Variants in IQCH observed in about 807,000 individuals in gnomAD.
IQCH encodes the protein IQ domain-containing protein H.
IQCH carries 98 observed loss-of-function variants against 117.0 expected under a neutral mutation model. That is an observed-to-expected ratio of 0.84 (90% CI 0.71 to 0.99). The LOEUF (loss-of-function observed/expected upper bound fraction) is 0.99, where lower values mean the gene tolerates loss of function less well. Ranked by LOEUF, IQCH falls within the 50% of genes least tolerant of loss-of-function variation. IQCH has a pLI of 0.00. For synonymous variants in IQCH, 412 were observed against 448.2 expected (o/e 0.92, Z 1.02); for missense variants, 1,102 against 1,243.8 (o/e 0.89, Z 1.72).
intron 16 of IQCH, among the ~76,000 whole-genome samples, chr15:67,464,717 T>G (rs1456418908): frequency 6.6e-6 from 1 of 152,202 alleles, no homozygotes; most frequent in East Asian, 1.9e-4. Flanking sequence ...CTTTCTCATA[T>G]TCATCACTCT....
In IQCH at chr15:67,481,242, T is replaced by G. The variant is rs911532960; in HGVS notation, c.2799+5424T>G. On this transcript the variant is annotated intron_variant, in intron 18 of 20. Coordinates refer to ENST00000335894, the MANE Select transcript of IQCH (RefSeq NM_001031715.3). This position sits in a 1 kb window ranked among gnomAD's most constrained non-coding sequence, Gnocchi z 4.1. The stretch of plus-strand genomic sequence containing the variant: ...AAGAAATACCCAAGACTGGGTAATT[T>G]ATAAAAGAAAGAGGTTTAATTGACT... Among the ~76,000 whole-genome samples, 2 of 152,190 alleles carry G rather than the reference T, an allele frequency of 1.3e-5. No individual in the cohort carries two copies.
At chr15:67,306,800 A>T in intron 4 of IQCH, 1 of 1,503,892 alleles carries the variant, frequency 6.6e-7, no homozygotes, top group Non-Finnish European at 9.0e-7. Flanking sequence ...AAATAGTAAC[A>T]AACAACCTTC....
chr15:67,468,180 T>A (rs372158866), intron 17 of IQCH, among the ~76,000 whole-genome samples: 2 of 152,222 alleles, frequency 1.3e-5, no homozygotes, highest in East Asian at 3.8e-4. Flanking sequence ...TTTTCACTCT[T>A]CCTCGCTCTT....
Position 67,390,709 on chromosome 15 carries a change from G to A in IQCH, c.1632+1703G>A, listed in dbSNP as rs1596301811. 2.6e-5 allele frequency among the ~76,000 whole-genome samples: 4 copies of A among 152,044 alleles called. No homozygotes were observed. The highest frequency in any genetic ancestry group is 2.0e-4 in the Admixed American group (3 of 15,266). ...TCATTATGTTGGCCAGGCTGGTCTC[G>A]AACTCCTGACCTCAAGTGATCCGCC... is the stretch of plus-strand genomic sequence containing the variant. On this transcript the variant is annotated intron_variant, in intron 12 of 20. Transcript: ENST00000335894. This position sits in a 1 kb window ranked among gnomAD's most constrained non-coding sequence, Gnocchi z 5.0.
chr15:67,379,529 A>G (rs1376914346), intron 10 of IQCH, among the ~76,000 whole-genome samples: 1 of 152,136 alleles, frequency 6.6e-6, no homozygotes, highest in Non-Finnish European at 1.5e-5. Context: ...ATCATTGGTA[A>G]TATGGTTTGG....
rs1970051453 is a variant in IQCH at position 67,359,718 on chromosome 15, G to A, written c.715-129G>A. On this transcript the variant is annotated intron_variant, in intron 7 of 20. Transcript: ENST00000335894. This position sits in a 1 kb window ranked among gnomAD's most constrained non-coding sequence, Gnocchi z 4.5. ...CTAATTATTAGCTCCTGCCTGCGTG[G>A]AAAGAGAGAACAGGCTGGCCCAGCG... 1 of 794,248 alleles carries A rather than the reference G, an allele frequency of 1.3e-6. No homozygotes were observed. Among genetic ancestry groups the A allele is most frequent in the Non-Finnish European group, 2.2e-6 (1 of 452,258 alleles). The allele number at this position is 794,248 out of a possible 1,614,324, so 49.2% of individuals were successfully genotyped here.
chr15:67,384,983 C>T lies in IQCH; in HGVS notation c.1420C>T (p.Gln474Ter), dbSNP rs1461030748. The T allele has an allele frequency of 6.2e-7, 1 of 1,611,936 alleles. No individual in the cohort carries two copies. Among genetic ancestry groups the T allele is most frequent in the African/African-American group, 1.3e-5 (1 of 74,822 alleles). Residue 474 changes from glutamine (Q) to a stop codon, truncating the protein, a stop_gained, in exon 11 of 21, where the codon CAG becomes TAG. Coordinates refer to ENST00000335894, the MANE Select transcript of IQCH (RefSeq NM_001031715.3). LOFTEE classifies it high-confidence loss of function. This position sits in a 1 kb window ranked among gnomAD's most constrained non-coding sequence, Gnocchi z 4.3. ...ACATATTGCCGATTTCAACACACAG[C>T]AGAACATGCAGCTGGGGAGGCTGTG... is the stretch of plus-strand genomic sequence containing the variant. The part of the protein sequence containing the change: ...REHIADFNTQ[Q>*]NMQLGRLCDI...
chr15:67,301,401 GTTTTTTTTT>G lies in IQCH; in HGVS notation c.387+21907_387+21915del, dbSNP rs10663973. ...TTCAGTGAAACATTTGTTATGTTAA[GTTTTTTTTT>G]TTTTTTTTTTTTTTTTTGAAACCGA... On this transcript the variant is annotated intron_variant, in intron 4 of 20. Transcript: ENST00000335894. Among the ~76,000 whole-genome samples the G allele has an allele frequency of 4.7e-3, 355 of 75,384 alleles. 3 individuals are homozygous for G. The highest frequency in any genetic ancestry group is 0.018 in the African/African-American group (339 of 18,330). The allele number at this position is 75,384 out of a possible 152,430, so 49.5% of individuals were successfully genotyped here. A position where few individuals can be genotyped will look rare whatever the true frequency, so the allele number is the denominator to read the frequency against.
At position 67,395,172 on chromosome 15, in the gene IQCH, G is replaced by C. The variant is rs1053355111; in HGVS notation, c.1633-119G>C. The C allele has an allele frequency of 1.8e-6, 2 of 1,099,770 alleles. No individual in the cohort carries two copies. The highest frequency in any genetic ancestry group is 2.6e-6 in the Non-Finnish European group (2 of 768,870). The allele number at this position is 1,099,770 out of a possible 1,614,324, so 68.1% of individuals were successfully genotyped here. A position where few individuals can be genotyped will look rare whatever the true frequency, so the allele number is the denominator to read the frequency against. On this transcript the variant is annotated intron_variant, in intron 12 of 20. Coordinates refer to ENST00000335894, the MANE Select transcript of IQCH (RefSeq NM_001031715.3). This position sits in a 1 kb window ranked among gnomAD's most constrained non-coding sequence, Gnocchi z 4.0. ...ATCAATTTAAACTGCTAAACAACAGGATAGGTCATAACCCAGCCTGCTATT... is the reference window on the plus strand; with the variant it reads ...ATCAATTTAAACTGCTAAACAACAGCATAGGTCATAACCCAGCCTGCTATT...
At chr15:67,286,604 T>G (rs900432310) in intron 4 of IQCH, among the ~76,000 whole-genome samples, 14 of 121,086 alleles carry the variant, frequency 1.2e-4, no homozygotes, top group African/African-American at 1.9e-4. Flanking sequence ...ATTTATTTAT[T>G]TATTTATTTA....
intron 15 of IQCH, among the ~76,000 whole-genome samples, chr15:67,420,718 G>A (rs993880489): frequency 6.6e-6 from 1 of 152,242 alleles, no homozygotes; most frequent in African/African-American, 2.4e-5. Flanking sequence ...AGCAGAGAGA[G>A]CATATGTGTT....
At position 67,388,687 on chromosome 15, in the gene IQCH, T is replaced by A. The variant is rs1183531652; in HGVS notation, c.1457-144T>A. 1.6e-6 allele frequency: 1 copy of A among 614,666 alleles called. No homozygotes were observed. Among genetic ancestry groups the A allele is most frequent in the African/African-American group, 1.8e-5 (1 of 54,554 alleles). 38.1% of individuals were successfully genotyped at this position (614,666 alleles called of 1,614,324 possible). A position where few individuals can be genotyped will look rare whatever the true frequency, so the allele number is the denominator to read the frequency against. ...AAAAAAGCCAGTTAGATTGCTCAGA[T>A]AGTACAAAACCAAACTAAATTAACC... On this transcript the variant is annotated intron_variant, in intron 11 of 20. Coordinates refer to ENST00000335894, the MANE Select transcript of IQCH (RefSeq NM_001031715.3). This position sits in a 1 kb window ranked among gnomAD's most constrained non-coding sequence, Gnocchi z 5.5.
chr15:67,465,148 C>T lies in IQCH; in HGVS notation c.2527C>T (p.Leu843Phe), dbSNP rs1207858615. The change falls in exon 17 of 21, where the codon CTC (leucine) becomes TTC (phenylalanine). Residue 843 changes from leucine (L) to phenylalanine (F), a missense_variant. Transcript: ENST00000335894. The surrounding 1 kb of genome is among the most constrained non-coding windows in gnomAD (Gnocchi z 5.9). ...EQQVWATGLNLAYSDQLALTQ... is the reference protein window; with the variant it reads ...EQQVWATGLNFAYSDQLALTQ... ...TCAGGTGTGGGCAACCGGCCTTAAC[C>T]TCGCATATAGTGACCAGCTGGCCCT... is the stretch of plus-strand genomic sequence containing the variant. The T allele has an allele frequency of 1.2e-6, 2 of 1,614,042 alleles. No homozygotes were observed. The highest frequency in any genetic ancestry group is 8.5e-7 in the Non-Finnish European group (1 of 1,179,998).
Position 67,388,981 on chromosome 15 carries a change from C to T in IQCH, c.1607C>T (p.Thr536Ile), listed in dbSNP as rs550703940. ...CTGCAGGACAGGTTCAAAATTATCA[C>T]ACCTGAAGCTGTAAACATCTTCCCT... Reference protein sequence around the residue: ...SDLQDRFKIITPEAVNIFPKH... With the variant: ...SDLQDRFKIIIPEAVNIFPKH... The change falls in exon 12 of 21, where the codon ACA becomes ATA. Residue 536 changes from threonine (T) to isoleucine (I), a missense_variant. Thr to Ile is a moderately conservative substitution (Grantham distance 89). Around this residue, in one of 2 missense-constraint regions of IQCH, gnomAD observed 650 missense variants for 794.3 expected, o/e 0.82. Coordinates refer to ENST00000335894, the MANE Select transcript of IQCH (RefSeq NM_001031715.3). The surrounding 1 kb of genome is among the most constrained non-coding windows in gnomAD (Gnocchi z 5.5). The T allele has an allele frequency of 1.2e-6, 2 of 1,613,670 alleles. No individual in the cohort carries two copies. The highest frequency in any genetic ancestry group is 2.2e-5 in the East Asian group (1 of 44,854).
intron 4 of IQCH, among the ~76,000 whole-genome samples, chr15:67,284,943 A>G (rs1966505406): frequency 6.6e-6 from 1 of 152,118 alleles, no homozygotes; most frequent in Non-Finnish European, 1.5e-5. Context: ...TTTGTAATAG[A>G]ATGATTTATA....
chr15:67,406,311 T>C lies in IQCH; in HGVS notation c.2097+6006T>C, dbSNP rs1253959582. On this transcript the variant is annotated intron_variant, in intron 14 of 20. Coordinates refer to ENST00000335894, the MANE Select transcript of IQCH (RefSeq NM_001031715.3). This position sits in a 1 kb window ranked among gnomAD's most constrained non-coding sequence, Gnocchi z 4.5. ...ACACTTTGGAAGGCTGAGGTGGGAG[T>C]TGGCTTGAGGCCAGGAGTTCAAGAC... 2.0e-5 allele frequency: 3 copies of C among 152,272 alleles called. No homozygotes were observed. Among genetic ancestry groups the C allele is most frequent in the East Asian group, 1.9e-4 (1 of 5,170 alleles). The allele number at this position is 152,272 out of a possible 1,614,324, so 9.4% of individuals were successfully genotyped here. A position where few individuals can be genotyped will look rare whatever the true frequency, so the allele number is the denominator to read the frequency against.
rs1327838764 is a variant in IQCH, at chr15:67,366,880, A to G, written c.754-5231A>G. ...TCAGAGTTACTAGAAAGAGTTTTCT[A>G]TCTGAAAAATAGAATACGAAAAAAA... On this transcript the variant is annotated intron_variant, in intron 8 of 20. Coordinates refer to ENST00000335894, the MANE Select transcript of IQCH (RefSeq NM_001031715.3). This position sits in a 1 kb window ranked among gnomAD's most constrained non-coding sequence, Gnocchi z 4.4. 1.3e-5 allele frequency among the ~76,000 whole-genome samples: 2 copies of G among 152,156 alleles called. No homozygotes were observed. Among genetic ancestry groups the G allele is most frequent in the African/African-American group, 4.8e-5 (2 of 41,432 alleles).
chr15:67,345,443 G>A (rs1229682153), intron 6 of IQCH, among the ~76,000 whole-genome samples: 2 of 152,188 alleles, frequency 1.3e-5, no homozygotes, highest in African/African-American at 4.8e-5. Context: ...GGAGAAACCT[G>A]CAAACCCTGC....
At chr15:67,301,884 G>A (rs973291281) in intron 4 of IQCH, among the ~76,000 whole-genome samples, 68 of 151,886 alleles carry the variant, frequency 4.5e-4, no homozygotes, top group African/African-American at 1.6e-3. Context: ...GATTGCTTTC[G>A]AACCCAACAA....
Sources: allele counts gnomAD v4.1 joint callset (sites outside exome capture counted in the v4.1 genomes callset), GRCh38; gene constraint gnomAD v4.1.1; regional missense constraint gnomAD v4.1.1; non-coding constraint Gnocchi (gnomAD v3.1); transcripts MANE v1.5; gene names NCBI Gene and HGNC (gene_info 2026-07-23, HGNC 2026-07-21).